The following HEMGN variants were observed in gnomAD, a reference collection of about 807,000 sequenced individuals.
The protein encoded by HEMGN is erythroid differentiation-associated gene protein.
HEMGN carries 32 observed loss-of-function variants against 45.7 expected under a neutral mutation model. The ratio of observed to expected loss-of-function variants is 0.70; its 90% CI spans 0.53 to 0.94. The LOEUF (loss-of-function observed/expected upper bound fraction) is 0.94, where lower values mean the gene tolerates loss of function less well. Ranked by LOEUF, HEMGN falls within the 40% of genes least tolerant of loss-of-function variation. The pLI, the probability that HEMGN is intolerant of heterozygous loss-of-function variation, is 0.00. For missense variants in HEMGN, 530 were observed against 564.2 expected, an observed-to-expected ratio of 0.94 and a Z score of 0.61; for synonymous variants, 183 against 178.6, an observed-to-expected ratio of 1.02 and a Z score of -0.20.
In HEMGN at chr9:97,927,494, A is replaced by G. The variant is rs199738846; in HGVS notation, c.1361-16T>C. The G allele has an allele frequency of 5.7e-5, 85 of 1,494,492 alleles. No individual in the cohort carries two copies. The East Asian group carries it at 1.6e-3, about 28-fold the overall frequency. 92.6% of individuals were successfully genotyped at this position (1,494,492 alleles called of 1,614,324 possible). A position where few individuals can be genotyped will look rare whatever the true frequency, so the allele number is the denominator to read the frequency against. On this transcript the variant is annotated splice_polypyrimidine_tract_variant and intron_variant, in intron 3 of 3. Coordinates refer to ENST00000616898, the MANE Select transcript of HEMGN (RefSeq NM_197978.3). ...TCTTTCATTTCTGTAAAATCAAATA[A>G]AATAAAAAATAGATTCAATAAATTG...
upstream of HEMGN, among the ~76,000 whole-genome samples, chr9:97,942,824 C>T (rs1486533772): frequency 1.3e-5 from 2 of 152,210 alleles, no homozygotes; most frequent in Non-Finnish European, 2.9e-5. Context: ...GTACTGGATA[C>T]TGTTTAGTCA....
In HEMGN at chr9:97,930,319, T is replaced by G; in HGVS notation, c.1076A>C (p.Glu359Ala). The G allele has an allele frequency of 6.2e-7, 1 of 1,613,826 alleles. No homozygotes were observed. The highest frequency in any genetic ancestry group is 8.5e-7 in the Non-Finnish European group (1 of 1,179,978). ...TGAATATTTTTCAGACCCAGGAGTTTCTTGGTTTATTTCAATTGAATAGTC... is the reference window on the plus strand; with the variant it reads ...TGAATATTTTTCAGACCCAGGAGTTGCTTGGTTTATTTCAATTGAATAGTC... ...SEDYSIEINQ[E>A]TPGSEKYSPE... Residue 359 changes from glutamate to alanine, a missense_variant, in exon 3 of 4, where the codon GAA becomes GCA. Coordinates refer to ENST00000616898, the MANE Select transcript of HEMGN (RefSeq NM_197978.3).
upstream of HEMGN, among the ~76,000 whole-genome samples, chr9:97,941,394 G>T (rs966264840): frequency 6.6e-6 from 1 of 152,164 alleles, no homozygotes; most frequent in African/African-American, 2.4e-5. Flanking sequence ...GGTAGTCATG[G>T]CATGGTTTTG....
rs770163250 is a variant in HEMGN at position 97,938,149 on chromosome 9, C to T, written c.-13G>A. 1.1e-5 allele frequency: 17 copies of T among 1,598,772 alleles called. No individual in the cohort carries two copies. The highest frequency in any genetic ancestry group is 1.3e-5 in the Non-Finnish European group (15 of 1,167,442). Reference sequence around the variant, plus strand: ...TTCCCAAATCCATCTTGCTGCAATACCTTCCTGCTATTTTGGTCTGACTTC... The same window carrying T: ...TTCCCAAATCCATCTTGCTGCAATATCTTCCTGCTATTTTGGTCTGACTTC... On this transcript the variant is annotated 5_prime_UTR_variant, in exon 1 of 4. Transcript: ENST00000616898.
rs948116508 is a variant in HEMGN, at chr9:97,936,385, G to A, written c.80-121C>T. 3 of 684,558 alleles carry A rather than the reference G, an allele frequency of 4.4e-6. No individual in the cohort carries two copies. In the Admixed American group the frequency reaches 7.3e-5, roughly 17 times the overall value. The allele number at this position is 684,558 out of a possible 1,614,324, so 42.4% of individuals were successfully genotyped here. A position where few individuals can be genotyped will look rare whatever the true frequency, so the allele number is the denominator to read the frequency against. On this transcript the variant is annotated intron_variant, in intron 1 of 3. Transcript: ENST00000616898. The stretch of plus-strand genomic sequence containing the variant: ...TTTCTCCTAGCTTTTTGAGGACAAG[G>A]ACTGCATCTCATTTATCCTTGTATC...
intron 1 of HEMGN, among the ~76,000 whole-genome samples, chr9:97,937,014 G>T (rs899994187): frequency 2.6e-5 from 4 of 152,170 alleles, no homozygotes. Context: ...CCTAGAGCCT[G>T]TGAAGTGATA....
intron 2 of HEMGN, among the ~76,000 whole-genome samples, chr9:97,935,908 T>C (rs1664416712): frequency 6.6e-6 from 1 of 152,172 alleles, no homozygotes; most frequent in Non-Finnish European, 1.5e-5. Context: ...ACAATATAAT[T>C]CGGTTGCTCA....
chr9:97,934,992 T>G (rs1021492687), intron 2 of HEMGN, among the ~76,000 whole-genome samples: 3 of 152,202 alleles, frequency 2.0e-5, no homozygotes, highest in African/African-American at 4.8e-5. Context: ...AAGGCTGGTG[T>G]TGTGCCTCTC....
intron 3 of HEMGN, 117 bp from the exon 4 acceptor site, chr9:97,927,595 G>T (rs1587850167): frequency 1.6e-6 from 1 of 613,406 alleles, no homozygotes; most frequent in Middle Eastern, 4.3e-4. Context: ...CCGTAGATGG[G>T]GTAAATTTTT....
At chr9:97,933,817 A>C (rs1224000809) in intron 2 of HEMGN, among the ~76,000 whole-genome samples, 1 of 152,134 alleles carries the variant, frequency 6.6e-6, no homozygotes, top group African/African-American at 2.4e-5. Flanking sequence ...AGGCCTTAGC[A>C]TTATAGAGAT....
At chr9:97,930,004 T>C in intron 3 of HEMGN, 31 bp downstream of exon 3, 2 of 1,518,854 alleles carry the variant, frequency 1.3e-6, no homozygotes, top group Non-Finnish European at 1.8e-6. Context: ...GGGGGAGATG[T>C]ACCTACCTTG....
At chr9:97,941,231 G>A (rs901760687), upstream of HEMGN, among the ~76,000 whole-genome samples, 1 of 152,084 alleles carries the variant, frequency 6.6e-6, no homozygotes, top group Non-Finnish European at 1.5e-5. Flanking sequence ...AACTGATGGA[G>A]GTGAGAGGCC....
intron 2 of HEMGN, among the ~76,000 whole-genome samples, chr9:97,935,528 ACACT>A (rs772405680): frequency 3.1e-4 from 47 of 152,208 alleles, no homozygotes; most frequent in Non-Finnish European, 6.5e-4. Flanking sequence ...CAAGGTGGAG[ACACT>A]TTGGCTTAGA....
intron 3 of HEMGN, among the ~76,000 whole-genome samples, chr9:97,928,141 T>C (rs376678102): frequency 2.1e-4 from 32 of 151,886 alleles, no homozygotes; most frequent in South Asian, 6.3e-4. Flanking sequence ...ATTCTCCTGC[T>C]TCAGCCTCCC....
chr9:97,930,086 C>A lies in HEMGN; in HGVS notation c.1309G>T (p.Asp437Tyr). The A allele has an allele frequency of 6.2e-7, 1 of 1,613,968 alleles. No homozygotes were observed. The highest frequency in any genetic ancestry group is 8.5e-7 in the Non-Finnish European group (1 of 1,179,972). Reference protein sequence around the residue: ...HQETGGPQGQDPKAHQEDAKD... With the variant: ...HQETGGPQGQYPKAHQEDAKD... Reference sequence around the variant, plus strand: ...GCATCTTCCTGGTGTGCTTTAGGATCCTGGCCTTGGGGCCCACCTGTTTCT... The same window carrying A: ...GCATCTTCCTGGTGTGCTTTAGGATACTGGCCTTGGGGCCCACCTGTTTCT... The change falls in exon 3 of 4, where the codon GAT becomes TAT. Residue 437 changes from aspartate to tyrosine, a missense_variant. Asp to Tyr is a radical substitution (Grantham distance 160). Transcript: ENST00000616898.
upstream of HEMGN, among the ~76,000 whole-genome samples, chr9:97,942,898 A>T (rs1386293674): frequency 6.6e-6 from 1 of 152,230 alleles, no homozygotes; most frequent in Non-Finnish European, 1.5e-5. Flanking sequence ...GATAAAAATT[A>T]TAGCGCCTCC....
chr9:97,935,850 G>C (rs948676323), intron 2 of HEMGN, among the ~76,000 whole-genome samples: 1 of 152,124 alleles, frequency 6.6e-6, no homozygotes. Context: ...CTCCCAACAG[G>C]ATGCTTCTAT....
chr9:97,933,885 T>C (rs1827004004), intron 2 of HEMGN, among the ~76,000 whole-genome samples: 1 of 152,248 alleles, frequency 6.6e-6, no homozygotes, highest in Non-Finnish European at 1.5e-5. Context: ...GTTATCCATT[T>C]GAGTGAATAC....
chr9:97,930,012 T>G (rs746694096), intron 3 of HEMGN, 23 bp downstream of exon 3: 37 of 1,567,484 alleles, frequency 2.4e-5, no homozygotes, highest in Non-Finnish European at 2.8e-5. Context: ...TGTACCTACC[T>G]TGGTGCTATA....
Sources: gnomAD v4.1 joint callset for allele counts (sites outside exome capture counted in the v4.1 genomes callset) on GRCh38, gnomAD v4.1.1 for gene constraint, MANE v1.5 for transcripts, NCBI Gene and HGNC (gene_info 2026-07-23, HGNC 2026-07-21) for gene names.